The following RAB11FIP4 variants were observed in gnomAD, a reference collection of about 807,000 sequenced individuals.
The protein encoded by RAB11FIP4 is rab11 family-interacting protein 4.
RAB11FIP4 carries 23 observed loss-of-function variants against 74.3 expected under a neutral mutation model. The observed-to-expected ratio is 0.31, with a 90% CI of 0.22 to 0.44. RAB11FIP4 has a LOEUF of 0.44. Among genes scored for constraint, RAB11FIP4 ranks in the 20% least tolerant of loss-of-function variants. The pLI is 1.00. For missense variants in RAB11FIP4, 630 were observed against 863.9 expected (o/e 0.73, Z 3.39); for synonymous variants, 360 against 359.9 (o/e 1.00, Z 0.00).
chr17:31,444,527 G>T (rs774066394), intron 3 of RAB11FIP4, among the ~76,000 whole-genome samples: 5 of 152,124 alleles, frequency 3.3e-5, no homozygotes, highest in Non-Finnish European at 7.4e-5. Context: ...AGCCTGGTCT[G>T]CCCTGGACCG....
rs566695411 is a variant in RAB11FIP4, at chr17:31,523,759, T to G, written c.1030-134T>G. 1,164 of 991,470 alleles carry G rather than the reference T, an allele frequency of 1.2e-3. 17 individuals carry two copies. In the South Asian group the frequency reaches 0.015, roughly 13 times the overall value. The allele number at this position is 991,470 out of a possible 1,614,324, so 61.4% of individuals were successfully genotyped here. On this transcript the variant is annotated intron_variant, in intron 8 of 14. Coordinates refer to ENST00000621161, the MANE Select transcript of RAB11FIP4 (RefSeq NM_032932.6). ...GTGGCCCTGGTCACGTGTTCCCCAC[T>G]CCCCCACCCCACACATGACCGTTCT...
chr17:31,442,521 T>A (rs966404100), intron 3 of RAB11FIP4, among the ~76,000 whole-genome samples: 7 of 152,222 alleles, frequency 4.6e-5, no homozygotes, highest in African/African-American at 1.7e-4. Flanking sequence ...TATCTGTGGC[T>A]GTTTTCACAC....
intron 1 of RAB11FIP4, among the ~76,000 whole-genome samples, chr17:31,424,593 T>TTTTTA (rs2071229279): frequency 4.0e-5 from 5 of 124,908 alleles, no homozygotes; most frequent in East Asian, 2.2e-4. Flanking sequence ...TTTTTTTTTT[T>TTTTTA]GAGGCGGAGT....
chr17:31,410,069 C>T (rs1227586462), intron 1 of RAB11FIP4, among the ~76,000 whole-genome samples: 1 of 152,182 alleles, frequency 6.6e-6, no homozygotes, highest in African/African-American at 2.4e-5. Flanking sequence ...GGATGCGATA[C>T]TGTTCCCCTG....
chr17:31,453,355 CAA>C (rs747844559), intron 3 of RAB11FIP4, among the ~76,000 whole-genome samples: 845 of 71,714 alleles, frequency 0.012, 3 homozygotes, highest in Middle Eastern at 0.036. Flanking sequence ...GACCCTACCT[CAA>C]AAAAAAAAAA....
chr17:31,498,501 T>G (rs897657167), intron 3 of RAB11FIP4, among the ~76,000 whole-genome samples: 2 of 151,736 alleles, frequency 1.3e-5, no homozygotes, highest in African/African-American at 4.8e-5. Context: ...CCCTGCAGGG[T>G]TGGGAGGAGG....
chr17:31,474,731 A>C (rs2071772913), intron 3 of RAB11FIP4, among the ~76,000 whole-genome samples: 1 of 151,666 alleles, frequency 6.6e-6, no homozygotes, highest in East Asian at 1.9e-4. Context: ...AATCCCATCT[A>C]CTTGGGAGGC....
At chr17:31,423,987 A>G (rs1207430266) in intron 1 of RAB11FIP4, among the ~76,000 whole-genome samples, 1 of 151,872 alleles carries the variant, frequency 6.6e-6, no homozygotes, top group Non-Finnish European at 1.5e-5. Flanking sequence ...GGGGGCTGGG[A>G]GAGAAAAAAG....
chr17:31,521,156 G>C lies in RAB11FIP4; in HGVS notation c.564-10G>C. 6.5e-7 allele frequency: 1 copy of C among 1,549,422 alleles called. No homozygotes were observed. The highest frequency in any genetic ancestry group is 8.8e-7 in the Non-Finnish European group (1 of 1,140,504). On this transcript the variant is annotated splice_polypyrimidine_tract_variant and intron_variant, in intron 4 of 14. Coordinates refer to ENST00000621161, the MANE Select transcript of RAB11FIP4 (RefSeq NM_032932.6). ...GTCCTCCTCTGACTTGGGTGCTCTC[G>C]GACCCTCAGGTCCCTGGTCCACACT...
chr17:31,473,960 G>A (rs996489171), intron 3 of RAB11FIP4, among the ~76,000 whole-genome samples: 4 of 152,160 alleles, frequency 2.6e-5, no homozygotes, highest in Non-Finnish European at 4.4e-5. Context: ...CCCATCCTGG[G>A]GCAGCCCTCA....
chr17:31,529,194 C>G (rs554536676), intron 13 of RAB11FIP4, among the ~76,000 whole-genome samples: 1 of 150,796 alleles, frequency 6.6e-6, no homozygotes, highest in South Asian at 2.1e-4. Context: ...AATTCCTGGG[C>G]TCAGGTGATC....
chr17:31,508,542 T>C (rs143470254), intron 3 of RAB11FIP4, among the ~76,000 whole-genome samples: 221 of 152,290 alleles, frequency 1.5e-3, no homozygotes, highest in African/African-American at 5.1e-3. Flanking sequence ...CCCACCGCCT[T>C]TGGGGCAGGC....
intron 1 of RAB11FIP4, among the ~76,000 whole-genome samples, chr17:31,423,629 T>TGACTGTCAG (rs1346961467): frequency 1.2e-3 from 176 of 152,152 alleles, no homozygotes; most frequent in Non-Finnish European, 2.1e-3. Context: ...TTTCAAAGCC[T>TGACTGTCAG]TTGCAGTGCT....
intron 3 of RAB11FIP4, among the ~76,000 whole-genome samples, chr17:31,447,992 TG>T (rs1448428105): frequency 6.6e-6 from 1 of 151,642 alleles, no homozygotes; most frequent in African/African-American, 2.4e-5. Flanking sequence ...TTTGGATTTT[TG>T]GAGAGACAGG....
chr17:31,504,022 T>G (rs2072270066), intron 3 of RAB11FIP4, among the ~76,000 whole-genome samples: 1 of 149,682 alleles, frequency 6.7e-6, no homozygotes, highest in African/African-American at 2.6e-5. Context: ...CCCATCCTAG[T>G]TAAAATACCT....
intron 8 of RAB11FIP4, 79 bp from the exon 9 acceptor site, chr17:31,523,814 C>A: frequency 8.6e-7 from 1 of 1,168,182 alleles, no homozygotes; most frequent in Non-Finnish European, 1.3e-6. Context: ...AGGTCCTGCT[C>A]ATGAACCTCA....
At chr17:31,437,383 T>G (rs970465715) in intron 3 of RAB11FIP4, among the ~76,000 whole-genome samples, 1 of 152,068 alleles carries the variant, frequency 6.6e-6, no homozygotes, top group African/African-American at 2.4e-5. Flanking sequence ...GGTGTCAGAG[T>G]GGGCTGGACT....
At chr17:31,478,633 T>C (rs985008966) in intron 3 of RAB11FIP4, among the ~76,000 whole-genome samples, 6 of 152,124 alleles carry the variant, frequency 3.9e-5, no homozygotes, top group African/African-American at 7.2e-5. Context: ...CTTCCCTCCC[T>C]CCCTGGAGCC....
chr17:31,400,652 G>T (rs1402526788), intron 1 of RAB11FIP4, among the ~76,000 whole-genome samples: 5 of 152,230 alleles, frequency 3.3e-5, no homozygotes, highest in African/African-American at 4.8e-5. Context: ...TGGAGCAGTG[G>T]CTGGATCTTG....
Sources: gnomAD v4.1 joint callset for allele counts (sites outside exome capture counted in the v4.1 genomes callset) on GRCh38, gnomAD v4.1.1 for gene constraint, MANE v1.5 for transcripts, NCBI Gene and HGNC (gene_info 2026-07-23, HGNC 2026-07-21) for gene names.